The following PPP2R2B variants were observed in gnomAD, a reference collection of about 807,000 sequenced individuals.
PPP2R2B encodes the protein serine/threonine-protein phosphatase 2A 55 kDa regulatory subunit B beta isoform.
A neutral mutation model predicts 46.0 loss-of-function variants in PPP2R2B; 5 were observed. The observed-to-expected ratio is 0.11, with a 90% CI of 0.06 to 0.23. PPP2R2B has a LOEUF of 0.23. Among genes scored for constraint, PPP2R2B ranks in the 10% least tolerant of loss-of-function variants. The pLI is 1.00. For missense variants in PPP2R2B, 367 were observed against 575.0 expected, an observed-to-expected ratio of 0.64 and a Z score of 3.70; for synonymous variants, 215 against 206.7, an observed-to-expected ratio of 1.04 and a Z score of -0.34.
chr5:147,049,095 T>G (rs530067390), intron 1 of PPP2R2B, among the ~76,000 whole-genome samples: 1 of 110,168 alleles, frequency 9.1e-6, no homozygotes, highest in Non-Finnish European at 2.0e-5. Context: ...AGAAAGGGAA[T>G]GAGCATGTGT....
intron 2 of PPP2R2B, among the ~76,000 whole-genome samples, chr5:147,069,966 T>A (rs1757538092): frequency 6.6e-6 from 1 of 151,854 alleles, no homozygotes; most frequent in African/African-American, 2.4e-5. Flanking sequence ...AATTTTTGTA[T>A]TTTTAGTAGA....
intron 1 of PPP2R2B, chr5:147,054,785 G>T (rs1756995654): frequency 1.1e-5 from 5 of 439,842 alleles, no homozygotes; most frequent in South Asian, 8.0e-5. Context: ...TCAATCAAAT[G>T]CCACTAGTAG....
intron 1 of PPP2R2B, among the ~76,000 whole-genome samples, chr5:146,907,097 G>T (rs1763026800): frequency 1.3e-5 from 2 of 152,166 alleles, no homozygotes. Flanking sequence ...CATTCCGACA[G>T]GGAAGTAGGA....
At position 146,974,986 on chromosome 5, in the gene PPP2R2B, G is replaced by A. The variant is rs531030818; in HGVS notation, c.79+80679C>T. Among the ~76,000 whole-genome samples the A allele has an allele frequency of 3.3e-5, 5 of 152,074 alleles. No homozygotes were observed. The South Asian group carries it at 6.3e-4, about 19-fold the overall frequency. On this transcript the variant is annotated intron_variant, in intron 1 of 8. Coordinates refer to the PPP2R2B transcript ENST00000336640. ...CTACAGGCGTGAACCACCGTGCCCCGCCTATTTTTTAAATTTCATAAGTTT... is the reference window on the plus strand; with the variant it reads ...CTACAGGCGTGAACCACCGTGCCCCACCTATTTTTTAAATTTCATAAGTTT...
At chr5:146,651,108 T>C (rs1302020122) in intron 5 of PPP2R2B, among the ~76,000 whole-genome samples, 1 of 152,216 alleles carries the variant, frequency 6.6e-6, no homozygotes, top group Non-Finnish European at 1.5e-5. Context: ...GGGAAAATTT[T>C]AGAAATGTCT....
intron 1 of PPP2R2B, among the ~76,000 whole-genome samples, chr5:146,915,838 CA>C (rs545090881): frequency 6.6e-6 from 1 of 151,800 alleles, no homozygotes; most frequent in South Asian, 2.1e-4. Context: ...TTAACCAAGA[CA>C]AAAAAAATCA....
chr5:146,641,589 G>A lies in PPP2R2B; in HGVS notation c.626-3174C>T, dbSNP rs77233956. Among the ~76,000 whole-genome samples the A allele has an allele frequency of 2.3e-3, 347 of 150,208 alleles. 2 individuals carry two copies. The highest frequency in any genetic ancestry group is 8.0e-3 in the African/African-American group (322 of 40,412). On this transcript the variant is annotated intron_variant, in intron 6 of 9. Coordinates refer to ENST00000394411, the MANE Select transcript of PPP2R2B (RefSeq NM_181675.4). ...TTATTTGGATTTTTACCTGCTGGAG[G>A]ATTTGGTGAGTTCTAGAAACATTTG...
chr5:146,728,212 A>C (rs1752002354), intron 2 of PPP2R2B, among the ~76,000 whole-genome samples: 1 of 145,846 alleles, frequency 6.9e-6, no homozygotes, highest in Non-Finnish European at 1.5e-5. Flanking sequence ...GGGAATGGAG[A>C]GATACCAATG....
intron 1 of PPP2R2B, chr5:146,922,252 T>G (rs1763632823): frequency 6.6e-6 from 1 of 152,252 alleles, no homozygotes. Flanking sequence ...TCTACTTTTC[T>G]GTTTTCTTCC....
chr5:146,952,728 A>G (rs890282279), intron 1 of PPP2R2B, among the ~76,000 whole-genome samples: 14 of 152,172 alleles, frequency 9.2e-5, no homozygotes, highest in African/African-American at 2.7e-4. Flanking sequence ...CACCATCTGT[A>G]TAGTCTGGAA....
At position 146,581,603 on chromosome 5, in the gene PPP2R2B, G is replaced by T. The variant is rs377031811; in HGVS notation, c.*8344C>A. On this transcript the variant is annotated 3_prime_UTR_variant, in exon 10 of 10. Transcript: ENST00000394411. ...CTTCTTCTCGTCAGGGAGGAAATGA[G>T]GGGTTTAAATAAATGCACCATTGAC... 6.6e-6 allele frequency: 1 copy of T among 152,080 alleles called. No individual in the cohort carries two copies. Among genetic ancestry groups the T allele is most frequent in the East Asian group, 1.9e-4 (1 of 5,188 alleles). The allele number at this position is 152,080 out of a possible 1,614,324, so 9.4% of individuals were successfully genotyped here.
chr5:146,800,250 A>G (rs2151304334), intron 2 of PPP2R2B, among the ~76,000 whole-genome samples: 1 of 152,242 alleles, frequency 6.6e-6, no homozygotes. Context: ...ACTGACTTGT[A>G]CTGATTACCT....
At chr5:146,620,333 T>C (rs1773571253) in intron 7 of PPP2R2B, among the ~76,000 whole-genome samples, 1 of 152,194 alleles carries the variant, frequency 6.6e-6, no homozygotes, top group South Asian at 2.1e-4. Context: ...GGAATAATCA[T>C]TTATTAGCCA....
upstream of PPP2R2B, among the ~76,000 whole-genome samples, chr5:147,059,179 A>G (rs2151906717): frequency 6.6e-6 from 1 of 152,318 alleles, no homozygotes; most frequent in Admixed American, 6.5e-5. Context: ...ATTCCAGAAA[A>G]AAGAAAGACT....
At chr5:146,649,590 G>A (rs959304479) in intron 6 of PPP2R2B, among the ~76,000 whole-genome samples, 6 of 151,958 alleles carry the variant, frequency 3.9e-5, no homozygotes, top group African/African-American at 1.2e-4. Context: ...GACTACAGGC[G>A]CCCGCCACCA....
At chr5:146,617,706 T>G (rs1406595132) in intron 7 of PPP2R2B, among the ~76,000 whole-genome samples, 2 of 151,876 alleles carry the variant, frequency 1.3e-5, no homozygotes, top group Non-Finnish European at 2.9e-5. Flanking sequence ...CTCTTTTTTT[T>G]TTTTTTGAAG....
chr5:146,741,491 T>C (rs1011636970), intron 2 of PPP2R2B, among the ~76,000 whole-genome samples: 1 of 152,172 alleles, frequency 6.6e-6, no homozygotes, highest in Non-Finnish European at 1.5e-5. Context: ...CCCGGTGTCC[T>C]TGTAGATGGC....
chr5:146,749,743 C>A (rs1299393618), intron 2 of PPP2R2B, among the ~76,000 whole-genome samples: 2 of 151,428 alleles, frequency 1.3e-5, no homozygotes, highest in African/African-American at 4.9e-5. Flanking sequence ...GGACTACAGG[C>A]GCCTGCCACC....
At chr5:146,866,858 G>C (rs187733662) in intron 2 of PPP2R2B, among the ~76,000 whole-genome samples, 1 of 152,196 alleles carries the variant, frequency 6.6e-6, no homozygotes, top group African/African-American at 2.4e-5. Context: ...GACACTCCAA[G>C]AAGAAAAAGT....
Sources: allele counts gnomAD v4.1 joint callset (sites outside exome capture counted in the v4.1 genomes callset), GRCh38; gene constraint gnomAD v4.1.1; transcripts MANE v1.5; gene names NCBI Gene and HGNC (gene_info 2026-07-23, HGNC 2026-07-21).